Variants in MAPKAPK5 observed in about 807,000 individuals in gnomAD.
MAPKAPK5 encodes the protein MAP kinase-activated protein kinase 5.
A neutral mutation model predicts 65.1 loss-of-function variants in MAPKAPK5; 30 were observed. The observed-to-expected ratio is 0.46, with a 90% CI of 0.34 to 0.63. MAPKAPK5 has a LOEUF of 0.63. Ranked by LOEUF, MAPKAPK5 falls within the 20% of genes least tolerant of loss-of-function variation. The pLI, the probability that MAPKAPK5 is intolerant of heterozygous loss-of-function variation, is 0.01. For synonymous variants in MAPKAPK5, 179 were observed against 204.6 expected, an observed-to-expected ratio of 0.87 and a Z score of 1.07; for missense variants, 433 against 581.4, an observed-to-expected ratio of 0.74 and a Z score of 2.63.
At chr12:111,877,465 A>G (rs1171476511) in intron 7 of MAPKAPK5, among the ~76,000 whole-genome samples, 4 of 151,818 alleles carry the variant, frequency 2.6e-5, no homozygotes, top group Non-Finnish European at 5.9e-5. Flanking sequence ...TTTAGTGTAT[A>G]TGTAGTGGTA....
In MAPKAPK5 at chr12:111,894,766, A is replaced by ATATG. The variant is rs2070737846; in HGVS notation, c.*1706_*1707insATGT. 6.8e-6 allele frequency: 1 copy of ATATG among 146,024 alleles called. No homozygotes were observed. The highest frequency in any genetic ancestry group is 2.6e-5 in the African/African-American group (1 of 38,398). The allele number at this position is 146,024 out of a possible 1,614,324, so 9.0% of individuals were successfully genotyped here. On this transcript the variant is annotated 3_prime_UTR_variant, in exon 14 of 14. Coordinates refer to ENST00000550735, the MANE Select transcript of MAPKAPK5 (RefSeq NM_003668.4). ...CCATAACAAACCAATTTTCGTGTAT[A>ATATG]TGTGTGTGTGTGTGTGTGTGTGTGT...
chr12:111,859,038 C>G (rs2069341620), intron 1 of MAPKAPK5, among the ~76,000 whole-genome samples: 1 of 147,478 alleles, frequency 6.8e-6, no homozygotes, highest in Non-Finnish European at 1.5e-5. Flanking sequence ...CTTGCTCAAT[C>G]TAGTATCTGC....
chr12:111,848,810 A>G (rs1026931234), intron 1 of MAPKAPK5, among the ~76,000 whole-genome samples: 5 of 150,656 alleles, frequency 3.3e-5, no homozygotes, highest in South Asian at 2.1e-4. Flanking sequence ...GCTCACTGCA[A>G]CCTCTTCCTC....
chr12:111,884,860 G>A (rs1028830400), intron 9 of MAPKAPK5, among the ~76,000 whole-genome samples: 28 of 152,148 alleles, frequency 1.8e-4, no homozygotes, highest in African/African-American at 6.5e-4. Context: ...CCTTTCAAAA[G>A]TAAGCTTGTC....
intron 5 of MAPKAPK5, 100 bp downstream of exon 5, chr12:111,868,961 T>G (rs975918684): frequency 7.9e-6 from 7 of 887,488 alleles, no homozygotes; most frequent in Non-Finnish European, 1.2e-5. Context: ...AAAGCTCTAT[T>G]TGACTTCTCA....
chr12:111,867,651 C>T lies in MAPKAPK5; in HGVS notation c.266C>T (p.Pro89Leu). 2 of 1,613,686 alleles carry T rather than the reference C, an allele frequency of 1.2e-6. No individual in the cohort carries two copies. Among genetic ancestry groups the T allele is most frequent in the Non-Finnish European group, 1.7e-6 (2 of 1,179,724 alleles). ...GTGTTTGCTAACAGTGTCCAGTTTC[C>T]CCATGAGTCCAGCCCTAGGTAAGAC... ...IEVFANSVQF[P>L]HESSPRARLL... The change falls in exon 4 of 14, where the codon CCC (proline) becomes CTC (leucine). Residue 89 changes from proline to leucine, a missense_variant. Pro to Leu is a moderately conservative substitution (Grantham distance 98, BLOSUM62 -3). This residue lies in a region of MAPKAPK5 where 165 missense variants were observed against 180.0 expected (regional missense o/e 0.92). Coordinates refer to ENST00000550735, the MANE Select transcript of MAPKAPK5 (RefSeq NM_003668.4).
chr12:111,880,505 C>T lies in MAPKAPK5; in HGVS notation c.638C>T (p.Pro213Leu), dbSNP rs751526420. 25 of 1,613,566 alleles carry T rather than the reference C, an allele frequency of 1.5e-5. No homozygotes were observed. The highest frequency in any genetic ancestry group is 6.7e-5 in the Admixed American group (4 of 59,988). The change falls in exon 8 of 14, where the codon CCG (proline) becomes CTG (leucine). Residue 213 changes from proline (P) to leucine (L), a missense_variant. This residue lies in a region of MAPKAPK5 where 99 missense variants were observed against 185.8 expected (regional missense o/e 0.53). Coordinates refer to ENST00000550735, the MANE Select transcript of MAPKAPK5 (RefSeq NM_003668.4). ...AAATCTGGCATCATACCTACCTCACCGACGCCCTACACTTACAACAAGGTA... is the reference window on the plus strand; with the variant it reads ...AAATCTGGCATCATACCTACCTCACTGACGCCCTACACTTACAACAAGGTA... ...KEKSGIIPTS[P>L]TPYTYNKSCD...
intron 7 of MAPKAPK5, among the ~76,000 whole-genome samples, chr12:111,874,889 C>T (rs1003630164): frequency 6.6e-6 from 1 of 151,100 alleles, no homozygotes; most frequent in Non-Finnish European, 1.5e-5. Context: ...ATTCTCCTTC[C>T]TCAGCCTCCC....
In MAPKAPK5 at chr12:111,900,751, C is replaced by G. The variant is rs1303689542; in HGVS notation, c.*7690C>G. The G allele has an allele frequency of 2.2e-6, 1 of 456,098 alleles. No homozygotes were observed. The highest frequency in any genetic ancestry group is 4.4e-6 in the Non-Finnish European group (1 of 226,792). The allele number at this position is 456,098 out of a possible 1,614,324, so 28.3% of individuals were successfully genotyped here. On this transcript the variant is annotated 3_prime_UTR_variant, in exon 14 of 14. Coordinates refer to ENST00000550735, the MANE Select transcript of MAPKAPK5 (RefSeq NM_003668.4). ...TATCCTTGCTGTCCTTCTAGTCGTT[C>G]CTGTGATCTCCCAGAATTTTGCAAT... is the stretch of plus-strand genomic sequence containing the variant.
intron 1 of MAPKAPK5, among the ~76,000 whole-genome samples, chr12:111,857,056 C>A (rs146043028): frequency 5.3e-5 from 8 of 152,290 alleles, no homozygotes; most frequent in Non-Finnish European, 7.4e-5. Context: ...TGGTAATATA[C>A]AGCACCTTTG....
chr12:111,900,655 G>C lies in MAPKAPK5; in HGVS notation c.*7594G>C. On this transcript the variant is annotated 3_prime_UTR_variant, in exon 14 of 14. Transcript: ENST00000550735. ...CATCATGCATGCTGTGATGAAAACTGTATACTGAAGGCGAAAGCAGAGTGC... is the reference window on the plus strand; with the variant it reads ...CATCATGCATGCTGTGATGAAAACTCTATACTGAAGGCGAAAGCAGAGTGC... 2.2e-6 allele frequency: 1 copy of C among 455,720 alleles called. No homozygotes were observed. Among genetic ancestry groups the C allele is most frequent in the South Asian group, 1.5e-5 (1 of 64,560 alleles). 28.2% of individuals were successfully genotyped at this position (455,720 alleles called of 1,614,324 possible). A position where few individuals can be genotyped will look rare whatever the true frequency, so the allele number is the denominator to read the frequency against.
chr12:111,852,371 A>G (rs1367953981), intron 1 of MAPKAPK5, among the ~76,000 whole-genome samples: 1 of 152,058 alleles, frequency 6.6e-6, no homozygotes, highest in Admixed American at 6.6e-5. Flanking sequence ...CCCTCAGTCT[A>G]CTCATCCTGA....
rs11066045 is a variant in MAPKAPK5 at position 111,845,747 on chromosome 12, C to T, written c.36+2978C>T. Among the ~76,000 whole-genome samples the T allele has an allele frequency of 1.5e-3, 222 of 151,570 alleles. 3 individuals are homozygous for T. The highest frequency in any genetic ancestry group is 4.6e-4 in the Non-Finnish European group (31 of 67,876). ...GACCACTCTGGCCAACATGGCGAGA[C>T]CCCCGTCTCTACTAAAAATACAAAA... is the stretch of plus-strand genomic sequence containing the variant. On this transcript the variant is annotated intron_variant, in intron 1 of 13. Transcript: ENST00000550735.
chr12:111,888,734 G>A (rs914063418), intron 11 of MAPKAPK5, 116 bp downstream of exon 11: 135 of 1,523,610 alleles, frequency 8.9e-5, no homozygotes, highest in Non-Finnish European at 1.1e-4. Context: ...TGAAGAGGGT[G>A]GAGAGGATAA....
At chr12:111,877,580 C>T (rs532208690) in intron 7 of MAPKAPK5, among the ~76,000 whole-genome samples, 6 of 152,232 alleles carry the variant, frequency 3.9e-5, no homozygotes, top group Non-Finnish European at 7.4e-5. Flanking sequence ...ATATTTTCTT[C>T]GGGAAGTGTC....
At chr12:111,880,864 C>T (rs1209422244) in intron 8 of MAPKAPK5, among the ~76,000 whole-genome samples, 2 of 152,184 alleles carry the variant, frequency 1.3e-5, no homozygotes, top group African/African-American at 4.8e-5. Flanking sequence ...ATATGGTCCA[C>T]TGGCCACACT....
chr12:111,850,040 T>G (rs945960776), intron 1 of MAPKAPK5, among the ~76,000 whole-genome samples: 1 of 151,796 alleles, frequency 6.6e-6, no homozygotes, highest in Admixed American at 6.6e-5. Context: ...TATCCTTTTT[T>G]TTTTCATAGA....
At chr12:111,887,082 C>G (rs2070429906) in intron 10 of MAPKAPK5, among the ~76,000 whole-genome samples, 1 of 152,088 alleles carries the variant, frequency 6.6e-6, no homozygotes, top group South Asian at 2.1e-4. Context: ...GAGGAACATT[C>G]AAATGAATGA....
intron 2 of MAPKAPK5, 85 bp from the exon 3 acceptor site, chr12:111,866,071 T>C (rs1308557412): frequency 1.8e-6 from 2 of 1,123,588 alleles, no homozygotes; most frequent in Non-Finnish European, 2.5e-6. Context: ...TGATGAGAAG[T>C]ACAAATCTCA....
Sources: gnomAD v4.1 joint callset for allele counts (sites outside exome capture counted in the v4.1 genomes callset) on GRCh38, gnomAD v4.1.1 for gene constraint, gnomAD v4.1.1 regional missense constraint, MANE v1.5 for transcripts, NCBI Gene and HGNC (gene_info 2026-07-23, HGNC 2026-07-21) for gene names.